Variants in CHN1 observed in about 807,000 individuals in gnomAD.
The protein encoded by CHN1 is N-chimaerin.
Under a neutral mutation model 59.5 loss-of-function variants are expected in CHN1, and 37 were observed. That is an observed-to-expected ratio of 0.62 (90% CI 0.48 to 0.82). The LOEUF (loss-of-function observed/expected upper bound fraction) is 0.82. Among genes scored for constraint, CHN1 ranks in the 40% least tolerant of loss-of-function variants. CHN1 has a pLI of 0.00. For synonymous variants in CHN1, 206 were observed against 200.4 expected (o/e 1.03, Z -0.24); for missense variants, 469 against 571.0 (o/e 0.82, Z 1.82).
intron 10 of CHN1, among the ~76,000 whole-genome samples, chr2:174,809,465 A>G (rs912058257): frequency 2.0e-5 from 3 of 152,206 alleles, no homozygotes; most frequent in South Asian, 2.1e-4. Flanking sequence ...TGCCTGGCAT[A>G]TAGTAGCTGC....
Position 174,915,113 on chromosome 2 carries a change from T to TC in CHN1, c.204dup (p.Ser69GlufsTer43). ...CGCTGGCTCTCCCGGATGAGGTAGC[T>TC]CCCCTCAGCCACAATCAAGAGCTGG... On this transcript the variant is annotated frameshift_variant, in exon 5 of 13. Coordinates refer to ENST00000409900, the MANE Select transcript of CHN1 (RefSeq NM_001822.7). LOFTEE classifies it high-confidence loss of function. 1 of 1,612,486 alleles carries TC rather than the reference T, an allele frequency of 6.2e-7. No homozygotes were observed. Among genetic ancestry groups the TC allele is most frequent in the Non-Finnish European group, 8.5e-7 (1 of 1,179,338 alleles).
chr2:174,849,838 G>C (rs1686669207), intron 6 of CHN1, among the ~76,000 whole-genome samples: 2 of 152,190 alleles, frequency 1.3e-5, no homozygotes, highest in African/African-American at 4.8e-5. Flanking sequence ...CAGCTAGTAG[G>C]TGGGGGGGCT....
rs112498250 is a variant in CHN1, at chr2:174,826,900, T to C, written c.628-2382A>G. On this transcript the variant is annotated intron_variant, in intron 7 of 12. Transcript: ENST00000409900. ...TACAGTTCATTCTTGGGCAGCTTTT[T>C]TAATGAAGGCATCCTGAGCCATTTG... Among the ~76,000 whole-genome samples the C allele has an allele frequency of 2.8e-3, 423 of 152,344 alleles. 1 individual carries two copies. The highest frequency in any genetic ancestry group is 9.3e-3 in the African/African-American group (385 of 41,578).
chr2:174,865,201 TAA>T lies in CHN1; in HGVS notation c.549+12637_549+12638del, dbSNP rs1687182323. Among the ~76,000 whole-genome samples, 4 of 152,226 alleles carry T rather than the reference TAA, an allele frequency of 2.6e-5. No homozygotes were observed. The South Asian group carries it at 8.3e-4, about 32-fold the overall frequency. ...AAGAGTTTATTTAAAAAACGGAACA[TAA>T]GAGTTGCAATTCTAGAGTGACATTC... is the stretch of plus-strand genomic sequence containing the variant. On this transcript the variant is annotated intron_variant, in intron 6 of 12. Coordinates refer to ENST00000409900, the MANE Select transcript of CHN1 (RefSeq NM_001822.7).
At chr2:174,923,873 A>T (rs1689087598) in intron 3 of CHN1, among the ~76,000 whole-genome samples, 1 of 152,226 alleles carries the variant, frequency 6.6e-6, no homozygotes, top group Non-Finnish European at 1.5e-5. Context: ...ATTAAAGGAA[A>T]TTAGGTAAGC....
intron 5 of CHN1, among the ~76,000 whole-genome samples, chr2:174,903,322 A>G (rs574211747): frequency 6.6e-6 from 1 of 152,212 alleles, no homozygotes; most frequent in Non-Finnish European, 1.5e-5. Context: ...TTATTGCACA[A>G]CTATATAGTC....
In CHN1 at chr2:174,878,138, T is replaced by C. The variant is rs758675078; in HGVS notation, c.261-10A>G. The C allele has an allele frequency of 4.6e-6, 7 of 1,527,738 alleles. No individual in the cohort carries two copies. The highest frequency in any genetic ancestry group is 5.3e-6 in the Non-Finnish European group (6 of 1,134,518). The allele number at this position is 1,527,738 out of a possible 1,614,324, so 94.6% of individuals were successfully genotyped here. On this transcript the variant is annotated splice_polypyrimidine_tract_variant and intron_variant, in intron 5 of 12. Transcript: ENST00000409900. Reference sequence around the variant, plus strand: ...GGTTTGACTTCCAAATCTGCCTCAATGAAATGGGAAAGATGTTTTTAAGAA... The same window carrying C: ...GGTTTGACTTCCAAATCTGCCTCAACGAAATGGGAAAGATGTTTTTAAGAA...
In CHN1 at chr2:174,824,462, AC is replaced by A; in HGVS notation, c.683del (p.Gly228ValfsTer7). 1 of 1,607,006 alleles carries A rather than the reference AC, an allele frequency of 6.2e-7. No individual in the cohort carries two copies. The highest frequency in any genetic ancestry group is 1.1e-5 in the South Asian group (1 of 89,074). ...CACATTTCACTCCCTGAGCAATGAG[AC>A]CCCACATAAAGTTGGCACAGTATTC... Reference protein sequence around the residue: ...WCEYCANFMWGLIAQGVKCAD... With the variant: ...WCEYCANFMWXLIAQGVKCAD... On this transcript the variant is annotated frameshift_variant, in exon 8 of 13. Transcript: ENST00000409900. LOFTEE classifies it high-confidence loss of function.
At chr2:174,931,982 C>G (rs2699794) in intron 3 of CHN1, among the ~76,000 whole-genome samples, 1 of 151,808 alleles carries the variant, frequency 6.6e-6, no homozygotes, top group Non-Finnish European at 1.5e-5. Flanking sequence ...TTATAAGGCA[C>G]TGTGAAGGTT....
At chr2:174,906,677 C>T (rs998769234) in intron 5 of CHN1, among the ~76,000 whole-genome samples, 13 of 151,962 alleles carry the variant, frequency 8.6e-5, no homozygotes, top group South Asian at 4.1e-4. Context: ...AAAAAAGATG[C>T]AATTTTATAA....
intron 5 of CHN1, among the ~76,000 whole-genome samples, chr2:174,880,810 G>A (rs563604312): frequency 1.3e-5 from 2 of 152,304 alleles, no homozygotes; most frequent in African/African-American, 4.8e-5. Context: ...CACTTTGGGA[G>A]GCTGAGGCGG....
chr2:175,000,381 A>G (rs534292213), intron 1 of CHN1, among the ~76,000 whole-genome samples: 1 of 151,930 alleles, frequency 6.6e-6, no homozygotes, highest in South Asian at 2.1e-4. Context: ...TCAAGTGATC[A>G]TCCACCTTAG....
At chr2:174,911,308 G>C (rs994215685) in intron 5 of CHN1, among the ~76,000 whole-genome samples, 5 of 152,006 alleles carry the variant, frequency 3.3e-5, no homozygotes, top group African/African-American at 1.2e-4. Context: ...ACTGATATTC[G>C]CCATATCTCA....
At chr2:174,895,198 GTATA>G (rs373448897) in intron 5 of CHN1, among the ~76,000 whole-genome samples, 12 of 141,090 alleles carry the variant, frequency 8.5e-5, no homozygotes, top group Non-Finnish European at 1.7e-4. Context: ...GTGTGTGTGT[GTATA>G]TATATATATA....
chr2:175,000,875 C>T (rs1691869167), intron 1 of CHN1, among the ~76,000 whole-genome samples: 1 of 152,214 alleles, frequency 6.6e-6, no homozygotes, highest in South Asian at 2.1e-4. Flanking sequence ...CCACCCATTA[C>T]AGATGTGAGC....
intron 7 of CHN1, among the ~76,000 whole-genome samples, chr2:174,831,647 T>C (rs1257763406): frequency 1.3e-5 from 2 of 152,186 alleles, no homozygotes; most frequent in Non-Finnish European, 2.9e-5. Flanking sequence ...TTATAAAATA[T>C]ATAATTTTAA....
At position 174,878,007 on chromosome 2, in the gene CHN1, T is replaced by C. The variant is rs746125302; in HGVS notation, c.382A>G (p.Thr128Ala). Reference sequence around the variant, plus strand: ...TTGGCAATGTATTCTGCTGCCTTGGTTTCAATATAGAGAGTAATCAAGCCA... The same window carrying C: ...TTGGCAATGTATTCTGCTGCCTTGGCTTCAATATAGAGAGTAATCAAGCCA... Reference protein sequence around the residue: ...TDGLITLYIETKAAEYIAKMT... With the variant: ...TDGLITLYIEAKAAEYIAKMT... The change falls in exon 6 of 13, where the codon ACC becomes GCC. Residue 128 changes from threonine to alanine, a missense_variant. Around this residue, in one of 5 missense-constraint regions of CHN1, gnomAD observed 152 missense variants for 166.1 expected, o/e 0.92. Transcript: ENST00000409900. 1.2e-6 allele frequency: 2 copies of C among 1,613,876 alleles called. No homozygotes were observed. Among genetic ancestry groups the C allele is most frequent in the Admixed American group, 1.7e-5 (1 of 60,018 alleles).
chr2:174,845,786 G>GT (rs1191518307), intron 7 of CHN1, among the ~76,000 whole-genome samples: 1 of 125,662 alleles, frequency 8.0e-6, no homozygotes, highest in East Asian at 2.9e-4. Context: ...ATGGGTGGGG[G>GT]GGGGGGTGTT....
At chr2:174,822,928 C>G (rs1486331785) in intron 8 of CHN1, among the ~76,000 whole-genome samples, 1 of 152,218 alleles carries the variant, frequency 6.6e-6, no homozygotes, top group Non-Finnish European at 1.5e-5. Flanking sequence ...ATCCCACTTC[C>G]TGTGGCAGGA....
Sources: allele counts gnomAD v4.1 joint callset (sites outside exome capture counted in the v4.1 genomes callset), GRCh38; gene constraint gnomAD v4.1.1; regional missense constraint gnomAD v4.1.1; transcripts MANE v1.5; gene names NCBI Gene and HGNC (gene_info 2026-07-23, HGNC 2026-07-21).